The following CLASP2 variants were observed in gnomAD, a reference collection of about 807,000 sequenced individuals.
CLASP2 encodes the protein cytoplasmic linker associated protein 2.
CLASP2 carries 47 observed loss-of-function variants against 194.4 expected under a neutral mutation model. That is an observed-to-expected ratio of 0.24 (90% CI 0.19 to 0.31). The LOEUF (loss-of-function observed/expected upper bound fraction) is 0.31. Ranked by LOEUF, CLASP2 falls within the 10% of genes least tolerant of loss-of-function variation. The pLI is 1.00. For missense variants in CLASP2, 1,445 were observed against 1,823.6 expected (o/e 0.79, Z 3.78); for synonymous variants, 619 against 633.5 (o/e 0.98, Z 0.34).
intron 7 of CLASP2, among the ~76,000 whole-genome samples, chr3:33,653,124 C>T (rs2083499964): frequency 6.6e-6 from 1 of 152,182 alleles, no homozygotes; most frequent in Non-Finnish European, 1.5e-5. Flanking sequence ...GTATAAAGGA[C>T]AGATCAGGCT....
At chr3:33,665,761 T>A (rs2086069939) in intron 6 of CLASP2, among the ~76,000 whole-genome samples, 2 of 152,148 alleles carry the variant, frequency 1.3e-5, no homozygotes, top group African/African-American at 4.8e-5. Context: ...AACCCCATCA[T>A]CAAACTCTAT....
chr3:33,522,954 T>C (rs967427013), intron 34 of CLASP2, among the ~76,000 whole-genome samples: 2 of 152,128 alleles, frequency 1.3e-5, no homozygotes, highest in Non-Finnish European at 2.9e-5. Flanking sequence ...TGGGCGCTTG[T>C]AGTCCCAGCT....
rs780211313 is a variant in CLASP2, at chr3:33,497,510, T to C, written c.*1121A>G. ...CTTTAAGTAGTTTTCCAAAAGACAC[T>C]ATAGGCAGCAGCTCAGTTAAAAGTA... is the stretch of plus-strand genomic sequence containing the variant. On this transcript the variant is annotated 3_prime_UTR_variant, in exon 39 of 39. Coordinates refer to ENST00000682230, the MANE Select transcript of CLASP2 (RefSeq NM_001365631.1). The C allele has an allele frequency of 7.9e-5, 12 of 152,568 alleles. No individual in the cohort carries two copies. Among genetic ancestry groups the C allele is most frequent in the Non-Finnish European group, 1.6e-4 (11 of 68,024 alleles). 9.5% of individuals were successfully genotyped at this position (152,568 alleles called of 1,614,324 possible).
At chr3:33,527,879 C>A (rs2055030321) in intron 34 of CLASP2, among the ~76,000 whole-genome samples, 1 of 152,168 alleles carries the variant, frequency 6.6e-6, no homozygotes, top group Admixed American at 6.5e-5. Context: ...AGGAGAATTA[C>A]TTGAACCCAG....
At chr3:33,501,334 T>A (rs566578917) in intron 38 of CLASP2, among the ~76,000 whole-genome samples, 37 of 152,256 alleles carry the variant, frequency 2.4e-4, no homozygotes, top group African/African-American at 7.2e-4. Context: ...AATAAAACAG[T>A]GGTCAGGGGT....
chr3:33,667,759 A>G (rs905288153), intron 6 of CLASP2, among the ~76,000 whole-genome samples: 1 of 152,152 alleles, frequency 6.6e-6, no homozygotes, highest in Non-Finnish European at 1.5e-5. Flanking sequence ...TTCCTGCTCT[A>G]TTAAATGGTC....
rs746259201 is a variant in CLASP2, at chr3:33,622,445, T to C, written c.1036-165A>G. On this transcript the variant is annotated intron_variant, in intron 10 of 38. Transcript: ENST00000682230. ...TCTTAGTAGCATTAAATGTATCTTGTAAATAAATATGCCAACAAAAAGCTG... is the reference window on the plus strand; with the variant it reads ...TCTTAGTAGCATTAAATGTATCTTGCAAATAAATATGCCAACAAAAAGCTG... Among the ~76,000 whole-genome samples, 30 of 152,308 alleles carry C rather than the reference T, an allele frequency of 2.0e-4. 1 individual carries two copies. Among genetic ancestry groups the C allele is most frequent in the Non-Finnish European group, 4.0e-4 (27 of 68,024 alleles).
At chr3:33,579,039 A>G (rs542120232) in intron 23 of CLASP2, among the ~76,000 whole-genome samples, 1 of 152,338 alleles carries the variant, frequency 6.6e-6, no homozygotes, top group Middle Eastern at 3.4e-3. Flanking sequence ...GAGAATGGGA[A>G]TAGCAAGAAC....
rs748942501 is a variant in CLASP2 at position 33,696,880 on chromosome 3, T to A, written c.249A>T (p.Thr83=). ...CCATTGCTACATAGGATTTAAAGCG[T>A]GTTGATAATCTGTCCACAAAGGCAC... The part of the protein sequence containing the change: ...ILSAFVDRLS[T]RFKSYVAMVI... The change falls in exon 2 of 39, where the codon ACA becomes ACT. Residue 83 remains threonine, a synonymous_variant. Coordinates refer to ENST00000682230, the MANE Select transcript of CLASP2 (RefSeq NM_001365631.1). The A allele has an allele frequency of 1.5e-5, 24 of 1,595,178 alleles. No individual in the cohort carries two copies. Among genetic ancestry groups the A allele is most frequent in the Admixed American group, 3.4e-5 (2 of 58,092 alleles).
At chr3:33,685,342 CAAAAAAAAAAAAAA>C (rs56240569) in intron 5 of CLASP2, among the ~76,000 whole-genome samples, 1 of 48,142 alleles carries the variant, frequency 2.1e-5, no homozygotes, top group African/African-American at 7.3e-5. Context: ...AACTCCGTCT[CAAAAAAAAAAAAAA>C]AAAAAAAAAA....
chr3:33,693,397 C>CA (rs1198819408), intron 2 of CLASP2, among the ~76,000 whole-genome samples: 2 of 152,080 alleles, frequency 1.3e-5, no homozygotes, highest in Non-Finnish European at 2.9e-5. Flanking sequence ...GTTAGATTAT[C>CA]AAAAAACCTT....
At chr3:33,612,761 G>A (rs1577192898) in intron 12 of CLASP2, among the ~76,000 whole-genome samples, 1 of 152,220 alleles carries the variant, frequency 6.6e-6, no homozygotes, top group East Asian at 1.9e-4. Flanking sequence ...ATGGAGTTTA[G>A]CATGCAGGAT....
intron 33 of CLASP2, among the ~76,000 whole-genome samples, chr3:33,535,686 G>C (rs915846669): frequency 6.6e-6 from 1 of 152,118 alleles, no homozygotes; most frequent in East Asian, 1.9e-4. Context: ...AATAAGAACT[G>C]TAAAAGAATG....
chr3:33,557,195 A>G (rs879412480), intron 29 of CLASP2, among the ~76,000 whole-genome samples: 2 of 151,420 alleles, frequency 1.3e-5, no homozygotes, highest in Non-Finnish European at 2.9e-5. Context: ...GCTGGTCTCA[A>G]ACTCCTGACC....
At chr3:33,576,958 T>C (rs1348065590) in intron 23 of CLASP2, among the ~76,000 whole-genome samples, 2 of 151,364 alleles carry the variant, frequency 1.3e-5, no homozygotes, top group African/African-American at 2.4e-5. Flanking sequence ...CAATTCTATA[T>C]TTAAAAATGA....
chr3:33,647,212 TTTAGATTATA>T (rs2082416337), intron 7 of CLASP2, among the ~76,000 whole-genome samples: 1 of 152,080 alleles, frequency 6.6e-6, no homozygotes, highest in Non-Finnish European at 1.5e-5. Context: ...TTTAGATTAT[TTTAGATTATA>T]ACTATATATA....
At chr3:33,532,902 C>T (rs188227167) in intron 34 of CLASP2, among the ~76,000 whole-genome samples, 11 of 152,228 alleles carry the variant, frequency 7.2e-5, no homozygotes, top group Admixed American at 2.6e-4. Context: ...AGGAGAATGT[C>T]TTTGTAGAAA....
At chr3:33,654,561 A>G (rs1366312956) in intron 7 of CLASP2, among the ~76,000 whole-genome samples, 1 of 152,208 alleles carries the variant, frequency 6.6e-6, no homozygotes, top group Non-Finnish European at 1.5e-5. Context: ...ATAAAGGGGA[A>G]AAGCTTACGA....
chr3:33,555,330 G>A (rs544513272), intron 29 of CLASP2, among the ~76,000 whole-genome samples: 89 of 151,712 alleles, frequency 5.9e-4, no homozygotes, highest in African/African-American at 1.9e-3. Context: ...TTAACATACC[G>A]GGCACAATTA....
Sources: gnomAD v4.1 joint callset for allele counts (sites outside exome capture counted in the v4.1 genomes callset) on GRCh38, gnomAD v4.1.1 for gene constraint, MANE v1.5 for transcripts, NCBI Gene and HGNC (gene_info 2026-07-23, HGNC 2026-07-21) for gene names.